The following EXOC4 variants were observed in gnomAD, a reference collection of about 807,000 sequenced individuals.
EXOC4 encodes the protein exocyst complex component 4, also known as SEC8-like 1.
In EXOC4, 71 loss-of-function variants were observed where a neutral mutation model predicts 107.2. The observed-to-expected ratio is 0.66, with a 90% CI of 0.55 to 0.81. The LOEUF (loss-of-function observed/expected upper bound fraction) is 0.81. EXOC4 is among the 30% of genes least tolerant of loss of function. The pLI, the probability that EXOC4 is intolerant of heterozygous loss-of-function variation, is 0.00. For missense variants in EXOC4, 1,108 were observed against 1,189.6 expected, an observed-to-expected ratio of 0.93 and a Z score of 1.01; for synonymous variants, 456 against 441.2, an observed-to-expected ratio of 1.03 and a Z score of -0.42.
At chr7:133,318,375 G>T (rs1339746659) in intron 5 of EXOC4, among the ~76,000 whole-genome samples, 1 of 152,194 alleles carries the variant, frequency 6.6e-6, no homozygotes, top group Non-Finnish European at 1.5e-5. Context: ...CAGCTCAACT[G>T]GGCTTGGAGA....
At position 133,480,145 on chromosome 7, in the gene EXOC4, G is replaced by T; in HGVS notation, c.1417+7G>T. The T allele has an allele frequency of 6.2e-7, 1 of 1,613,516 alleles. No individual in the cohort carries two copies. The highest frequency in any genetic ancestry group is 8.5e-7 in the Non-Finnish European group (1 of 1,179,552). On this transcript the variant is annotated splice_region_variant and intron_variant, in intron 9 of 17. Coordinates refer to ENST00000253861, the MANE Select transcript of EXOC4 (RefSeq NM_021807.4). ...CGGAGTGGAGAACTGCAAGGTGAGTGATTGAGCTTCTCTGGAAAAATTAAT... is the reference window on the plus strand; with the variant it reads ...CGGAGTGGAGAACTGCAAGGTGAGTTATTGAGCTTCTCTGGAAAAATTAAT...
chr7:133,540,623 A>ATG (rs1324164496), intron 9 of EXOC4, among the ~76,000 whole-genome samples: 1 of 152,128 alleles, frequency 6.6e-6, no homozygotes, highest in Non-Finnish European at 1.5e-5. Context: ...ATATATATGT[A>ATG]TGTGTGTGTG....
In EXOC4 at chr7:133,589,461, G is replaced by A. The variant is rs930288244; in HGVS notation, c.1418-40584G>A. Among the ~76,000 whole-genome samples, 5 of 152,288 alleles carry A rather than the reference G, an allele frequency of 3.3e-5. No homozygotes were observed. The East Asian group carries it at 9.7e-4, about 29-fold the overall frequency. On this transcript the variant is annotated intron_variant, in intron 9 of 17. Coordinates refer to ENST00000253861, the MANE Select transcript of EXOC4 (RefSeq NM_021807.4). ...GTGCTTTGTCTTCAGGATCACACTG[G>A]TAAAGCCATGTCCTGTCTCCTGCTA...
At chr7:133,723,820 G>A (rs1292920728) in intron 10 of EXOC4, among the ~76,000 whole-genome samples, 1 of 151,704 alleles carries the variant, frequency 6.6e-6, no homozygotes, top group Non-Finnish European at 1.5e-5. Context: ...AATGAGACAG[G>A]GCCTCACTAT....
intron 14 of EXOC4, among the ~76,000 whole-genome samples, chr7:133,940,625 C>G (rs901416080): frequency 6.6e-6 from 1 of 152,208 alleles, no homozygotes; most frequent in Non-Finnish European, 1.5e-5. Flanking sequence ...AAGCCTGGCT[C>G]ACCCCCACTT....
the EXOC4 span, among the ~76,000 whole-genome samples, chr7:134,089,180 G>C: frequency 3.1e-4 from 47 of 152,186 alleles, 1 homozygote; most frequent in African/African-American, 9.4e-4. Context: ...TTCACACACA[G>C]AATCTCTTTC....
chr7:133,684,571 A>G lies in EXOC4; in HGVS notation c.1514+54430A>G, dbSNP rs111584705. Among the ~76,000 whole-genome samples, 174 of 152,330 alleles carry G rather than the reference A, an allele frequency of 1.1e-3. 3 individuals carry two copies. Among genetic ancestry groups the G allele is most frequent in the South Asian group, 0.011 (52 of 4,832 alleles). On this transcript the variant is annotated intron_variant, in intron 10 of 17. Transcript: ENST00000253861. Reference sequence around the variant, plus strand: ...GTTAGAAAGGACCCCATAAAAAGAAAATGAAAGGACTTTGATTCCTGGCAA... The same window carrying G: ...GTTAGAAAGGACCCCATAAAAAGAAGATGAAAGGACTTTGATTCCTGGCAA...
intron 17 of EXOC4, among the ~76,000 whole-genome samples, chr7:134,011,721 G>T (rs1442678634): frequency 1.3e-5 from 2 of 150,010 alleles, no homozygotes; most frequent in African/African-American, 2.5e-5. Context: ...TGTGGGGCAA[G>T]ATGCAAAGTA....
chr7:133,693,568 TAC>T (rs1361731374), intron 10 of EXOC4, among the ~76,000 whole-genome samples: 1 of 152,136 alleles, frequency 6.6e-6, no homozygotes, highest in Non-Finnish European at 1.5e-5. Context: ...CACTCCTAAT[TAC>T]ACAGTTAGAA....
intron 14 of EXOC4, among the ~76,000 whole-genome samples, chr7:133,986,710 G>C (rs761459451): frequency 6.6e-6 from 1 of 152,262 alleles, no homozygotes; most frequent in Middle Eastern, 3.4e-3. Flanking sequence ...CAAAGCACTG[G>C]GGTAAGGAAA....
rs547569309 is a variant in EXOC4, at chr7:133,379,298, G to A, written c.1182+4296G>A. Among the ~76,000 whole-genome samples the A allele has an allele frequency of 1.1e-4, 16 of 152,036 alleles. No individual in the cohort carries two copies. The East Asian group carries it at 2.5e-3, about 24-fold the overall frequency. On this transcript the variant is annotated intron_variant, in intron 7 of 17. Transcript: ENST00000253861. ...AGTTTAGAATCAGGTGTTTCATTTA[G>A]TTGTCTTTAAACTTGAACATTTATA...
At chr7:133,538,334 A>G (rs1486881529) in intron 9 of EXOC4, among the ~76,000 whole-genome samples, 1 of 151,964 alleles carries the variant, frequency 6.6e-6, no homozygotes, top group African/African-American at 2.4e-5. Context: ...GTTTCCCTTT[A>G]TTTGCTGTTA....
rs547429497 is a variant in EXOC4 at position 133,703,238 on chromosome 7, G to A, written c.1514+73097G>A. ...GTTCTAGGTGTTGGCAACAGCATAT[G>A]TAGCATTATTTATGCTAAACTCCTT... On this transcript the variant is annotated intron_variant, in intron 10 of 17. Coordinates refer to ENST00000253861, the MANE Select transcript of EXOC4 (RefSeq NM_021807.4). Among the ~76,000 whole-genome samples, 101 of 152,328 alleles carry A rather than the reference G, an allele frequency of 6.6e-4. No individual in the cohort carries two copies. The South Asian group carries it at 9.7e-3, about 15-fold the overall frequency.
At chr7:133,882,024 AT>A (rs779867149) in intron 11 of EXOC4, among the ~76,000 whole-genome samples, 4 of 152,162 alleles carry the variant, frequency 2.6e-5, no homozygotes, top group African/African-American at 4.8e-5. Context: ...TAAAAAAAAA[AT>A]AACCACTATT....
At chr7:133,504,538 C>T (rs1471735289) in intron 9 of EXOC4, among the ~76,000 whole-genome samples, 4 of 151,930 alleles carry the variant, frequency 2.6e-5, no homozygotes, top group African/African-American at 9.7e-5. Flanking sequence ...GTTCTACTGG[C>T]GCATTTTTGC....
intron 5 of EXOC4, among the ~76,000 whole-genome samples, chr7:133,318,685 A>G (rs1162152204): frequency 6.6e-6 from 1 of 152,192 alleles, no homozygotes; most frequent in Non-Finnish European, 1.5e-5. Flanking sequence ...TGAGAGCTTA[A>G]TATATTGTTG....
intron 9 of EXOC4, among the ~76,000 whole-genome samples, chr7:133,624,271 C>T (rs1407007935): frequency 1.3e-5 from 2 of 152,114 alleles, no homozygotes; most frequent in Non-Finnish European, 2.9e-5. Context: ...ATAATTTCAA[C>T]ATCTATACAT....
chr7:133,722,640 G>A (rs1220456356), intron 10 of EXOC4, among the ~76,000 whole-genome samples: 1 of 152,136 alleles, frequency 6.6e-6, no homozygotes, highest in Non-Finnish European at 1.5e-5. Flanking sequence ...CATTTTAAAG[G>A]TCATTGGGGA....
At chr7:133,342,333 T>C (rs1344039916) in intron 5 of EXOC4, among the ~76,000 whole-genome samples, 1 of 152,166 alleles carries the variant, frequency 6.6e-6, no homozygotes, top group Admixed American at 6.5e-5. Context: ...TGGCTGATAA[T>C]TGTTTTGTTT....
Sources: allele counts gnomAD v4.1 joint callset (sites outside exome capture counted in the v4.1 genomes callset), GRCh38; gene constraint gnomAD v4.1.1; transcripts MANE v1.5; gene names NCBI Gene and HGNC (gene_info 2026-07-23, HGNC 2026-07-21).